VCAN: variants seen among roughly 807,000 people sequenced by gnomAD.
The protein encoded by VCAN is versican.
A neutral mutation model predicts 245.5 loss-of-function variants in VCAN; 44 were observed. The ratio of observed to expected loss-of-function variants is 0.18; its 90% CI spans 0.14 to 0.23. The LOEUF (loss-of-function observed/expected upper bound fraction) is 0.23, where lower values mean the gene tolerates loss of function less well. Among genes scored for constraint, VCAN ranks in the 10% least tolerant of loss-of-function variants. The pLI is 1.00. For missense variants in VCAN, 3,793 were observed against 4,057.9 expected, an observed-to-expected ratio of 0.93 and a Z score of 1.77; for synonymous variants, 1,413 against 1,437.0, an observed-to-expected ratio of 0.98 and a Z score of 0.38.
In VCAN at chr5:83,540,463, T is replaced by A. The variant is rs930986218; in HGVS notation, c.7460T>A (p.Val2487Glu). Residue 2487 changes from valine (V) to glutamate (E), a missense_variant, in exon 8 of 15, where the codon GTG becomes GAG. This residue lies in a region of VCAN where 3,182 missense variants were observed against 3,250.3 expected (regional missense o/e 0.98). Transcript: ENST00000265077. ...VTADGFPTVS[V>E]MLPLHSEQNK... ...GCTGATGGATTCCCAACAGTTTCAG[T>A]GATGCTGCCTCTTCATTCAGAGCAG... The A allele has an allele frequency of 5.0e-6, 8 of 1,613,990 alleles. 1 individual carries two copies. The South Asian group carries it at 8.8e-5, about 18-fold the overall frequency.
At position 83,520,040 on chromosome 5, in the gene VCAN, A is replaced by G; in HGVS notation, c.1734A>G (p.Glu578=). ...CCTTGATCTTTGACCAAATTCCTGA[A>G]GTCATTACGGTGTCAAAGACTTCAG... ...ESTLIFDQIP[E]VITVSKTSED... The change falls in exon 7 of 15, where the codon GAA becomes GAG. Residue 578 remains glutamate (E), a synonymous_variant. Coordinates refer to ENST00000265077, the MANE Select transcript of VCAN (RefSeq NM_004385.5). 1 of 1,614,094 alleles carries G rather than the reference A, an allele frequency of 6.2e-7. No individual in the cohort carries two copies. The highest frequency in any genetic ancestry group is 8.5e-7 in the Non-Finnish European group (1 of 1,179,970).
At chr5:83,495,294 A>G (rs1745124367) in intron 5 of VCAN, among the ~76,000 whole-genome samples, 1 of 152,210 alleles carries the variant, frequency 6.6e-6, no homozygotes, top group African/African-American at 2.4e-5. Flanking sequence ...TAAGCAGCTT[A>G]TATTTTCCTA....
intron 5 of VCAN, among the ~76,000 whole-genome samples, chr5:83,502,955 T>C (rs964631542): frequency 6.6e-6 from 1 of 152,172 alleles, no homozygotes; most frequent in African/African-American, 2.4e-5. Context: ...AAAATGAAGT[T>C]ATTTTGGCAG....
Position 83,563,182 on chromosome 5 carries a change from C to T in VCAN, c.9735+8144C>T, listed in dbSNP as rs160284. 1.7e-3 allele frequency among the ~76,000 whole-genome samples: 264 copies of T among 152,186 alleles called. 5 individuals are homozygous for T. The East Asian group carries it at 0.043, about 25-fold the overall frequency. ...TCTTTTCTTTTCAGTTGTCGGTCAACGAATTACCCTGTTCAACTAAAAGAC... is the reference window on the plus strand; with the variant it reads ...TCTTTTCTTTTCAGTTGTCGGTCAATGAATTACCCTGTTCAACTAAAAGAC... On this transcript the variant is annotated intron_variant, in intron 12 of 14. Transcript: ENST00000265077.
At chr5:83,536,426 CTT>C (rs1746709585) in intron 7 of VCAN, 1 of 152,124 alleles carries the variant, frequency 6.6e-6, no homozygotes, top group African/African-American at 2.4e-5. Context: ...ATAAAGCTCT[CTT>C]GTTTTTCCAT....
At chr5:83,570,464 T>C (rs1748246234) in intron 12 of VCAN, among the ~76,000 whole-genome samples, 1 of 152,200 alleles carries the variant, frequency 6.6e-6, no homozygotes, top group African/African-American at 2.4e-5. Context: ...TCACAAATTA[T>C]TTTATGAAAG....
chr5:83,489,985 C>A, intron 2 of VCAN, 113 bp from the exon 3 acceptor site: 1 of 1,048,876 alleles, frequency 9.5e-7, no homozygotes, highest in Non-Finnish European at 1.4e-6. Context: ...AATTATGTCA[C>A]ATGTTGAAGA....
chr5:83,536,910 T>C, intron 7 of VCAN, 97 bp from the exon 8 acceptor site: 1 of 991,266 alleles, frequency 1.0e-6, no homozygotes. Flanking sequence ...GAATCCTTCT[T>C]TGTGTGTGTG....
chr5:83,513,608 T>G (rs1173558732), intron 6 of VCAN, among the ~76,000 whole-genome samples: 1 of 152,244 alleles, frequency 6.6e-6, no homozygotes, highest in Non-Finnish European at 1.5e-5. Flanking sequence ...TGCCACAAGC[T>G]GGTCGCTCCA....
At chr5:83,481,816 C>CA (rs1029244602) in intron 1 of VCAN, among the ~76,000 whole-genome samples, 2 of 151,856 alleles carry the variant, frequency 1.3e-5, no homozygotes, top group African/African-American at 4.8e-5. Flanking sequence ...AAATCAAATG[C>CA]AAAAAAATTA....
At chr5:83,571,295 G>A (rs1024310100) in intron 12 of VCAN, among the ~76,000 whole-genome samples, 11 of 152,132 alleles carry the variant, frequency 7.2e-5, no homozygotes, top group Non-Finnish European at 1.6e-4. Context: ...AATAGGCACA[G>A]CGACTATGTT....
At chr5:83,578,983 T>A (rs1748571037) in intron 13 of VCAN, among the ~76,000 whole-genome samples, 2 of 152,182 alleles carry the variant, frequency 1.3e-5, no homozygotes, top group Admixed American at 1.3e-4. Context: ...ATTACAAAAT[T>A]TTTCATTGTA....
Position 83,581,075 on chromosome 5 carries a change from A to G in VCAN, c.*641A>G, listed in dbSNP as rs543769328. The G allele has an allele frequency of 6.4e-6, 1 of 156,140 alleles. No homozygotes were observed. The highest frequency in any genetic ancestry group is 6.2e-5 in the Admixed American group (1 of 16,008). 9.7% of individuals were successfully genotyped at this position (156,140 alleles called of 1,614,324 possible). ...TGCGAATGGGATCCTGATGGAACTA[A>G]GGACTCCAATGTCGAACTCTTCTTT... On this transcript the variant is annotated 3_prime_UTR_variant, in exon 15 of 15. Coordinates refer to ENST00000265077, the MANE Select transcript of VCAN (RefSeq NM_004385.5).
At chr5:83,533,301 T>A (rs1195466542) in intron 7 of VCAN, among the ~76,000 whole-genome samples, 1 of 152,166 alleles carries the variant, frequency 6.6e-6, no homozygotes, top group East Asian at 1.9e-4. Flanking sequence ...AATCTAAATT[T>A]AATGATTAGT....
intron 13 of VCAN, among the ~76,000 whole-genome samples, chr5:83,574,185 T>C (rs1748393640): frequency 6.8e-6 from 1 of 147,764 alleles, no homozygotes; most frequent in South Asian, 2.2e-4. Flanking sequence ...GCTGATTGGA[T>C]GGTGCCCATC....
In VCAN at chr5:83,541,872, G is replaced by A. The variant is rs1435396958; in HGVS notation, c.8869G>A (p.Gly2957Arg). 6.2e-7 allele frequency: 1 copy of A among 1,613,936 alleles called. No homozygotes were observed. The highest frequency in any genetic ancestry group is 2.2e-5 in the East Asian group (1 of 44,880). ...MFPTIKTPEAGTVITTADEIE... is the reference protein window; with the variant it reads ...MFPTIKTPEARTVITTADEIE... The stretch of plus-strand genomic sequence containing the variant: ...TCCCACCATTAAAACACCTGAGGCT[G>A]GAACTGTTATTACAACTGCCGATGA... Residue 2957 changes from glycine to arginine, a missense_variant, in exon 8 of 15, where the codon GGA (glycine) becomes AGA (arginine). Transcript: ENST00000265077.
At position 83,520,728 on chromosome 5, in the gene VCAN, G is replaced by C. The variant is rs889940727; in HGVS notation, c.2422G>C (p.Asp808His). The C allele has an allele frequency of 1.9e-6, 3 of 1,614,004 alleles. No individual in the cohort carries two copies. Among genetic ancestry groups the C allele is most frequent in the African/African-American group, 2.7e-5 (2 of 74,932 alleles). Residue 808 changes from aspartate to histidine, a missense_variant, in exon 7 of 15, where the codon GAT becomes CAT. Asp to His is a moderately conservative substitution (Grantham distance 81). Transcript: ENST00000265077. ...ATVSKWSWDE[D>H]NTTSKPLEST... is the part of the protein sequence containing the mutation. ...TGTATCAAAATGGTCATGGGATGAA[G>C]ATAATACAACATCCAAGCCTTTAGA...
At chr5:83,477,951 C>CTT (rs55842421) in intron 1 of VCAN, among the ~76,000 whole-genome samples, 112 of 139,064 alleles carry the variant, frequency 8.1e-4, no homozygotes, top group African/African-American at 2.7e-3. Context: ...TAATTTTTTT[C>CTT]TTTTTTTTTT....
intron 5 of VCAN, among the ~76,000 whole-genome samples, chr5:83,497,148 T>G (rs1745183018): frequency 6.6e-6 from 1 of 152,218 alleles, no homozygotes; most frequent in African/African-American, 2.4e-5. Flanking sequence ...AAGCCATATA[T>G]TCCAGATGGT....
Sources: allele counts gnomAD v4.1 joint callset (sites outside exome capture counted in the v4.1 genomes callset), GRCh38; gene constraint gnomAD v4.1.1; regional missense constraint gnomAD v4.1.1; transcripts MANE v1.5; gene names NCBI Gene and HGNC (gene_info 2026-07-23, HGNC 2026-07-21).